The following MYBPC1 variants were observed in gnomAD, a reference collection of about 807,000 sequenced individuals.
The protein encoded by MYBPC1 is myosin-binding protein C, slow-type.
In MYBPC1, 52 loss-of-function variants were observed where a neutral mutation model predicts 147.1. The observed-to-expected ratio is 0.35, with a 90% CI of 0.28 to 0.45. MYBPC1 has a LOEUF of 0.45. MYBPC1 is among the 20% of genes least tolerant of loss of function. MYBPC1 has a pLI of 1.00. For synonymous variants in MYBPC1, 477 were observed against 475.9 expected (o/e 1.00, Z -0.03); for missense variants, 1,228 against 1,440.3 (o/e 0.85, Z 2.39).
intron 14 of MYBPC1, 40 bp from the exon 15 acceptor site, chr12:101,649,217 AAGG>A (rs1466992777): frequency 6.4e-7 from 1 of 1,570,930 alleles, no homozygotes; most frequent in Non-Finnish European, 8.7e-7. Context: ...ATTTTTCCTG[AAGG>A]ATCTTTTACA....
At chr12:101,642,703 G>C in intron 11 of MYBPC1, 118 bp downstream of exon 11, 1 of 1,147,982 alleles carries the variant, frequency 8.7e-7, no homozygotes, top group Non-Finnish European at 1.3e-6. Context: ...GTGGGGCTGG[G>C]TAGGAGTGCA....
chr12:101,643,114 C>A (rs1029652350), intron 11 of MYBPC1, among the ~76,000 whole-genome samples: 3 of 152,162 alleles, frequency 2.0e-5, no homozygotes, highest in Non-Finnish European at 4.4e-5. Flanking sequence ...TGACCATTAG[C>A]TCTTCGAAGC....
intron 1 of MYBPC1, among the ~76,000 whole-genome samples, chr12:101,605,920 T>G (rs1179208253): frequency 6.6e-6 from 1 of 151,762 alleles, no homozygotes; most frequent in Non-Finnish European, 1.5e-5. Flanking sequence ...TACAGCCAAG[T>G]GTGGTGACTT....
downstream of MYBPC1, among the ~76,000 whole-genome samples, chr12:101,686,592 A>G (rs1594109554): frequency 6.6e-6 from 1 of 152,268 alleles, no homozygotes; most frequent in East Asian, 1.9e-4. Flanking sequence ...TTAAGGGAGT[A>G]GAATCGAACT....
rs546927300 is a variant in MYBPC1 at position 101,641,009 on chromosome 12, G to A, written c.666-1410G>A. On this transcript the variant is annotated intron_variant, in intron 10 of 31. Transcript: ENST00000361466. The stretch of plus-strand genomic sequence containing the variant: ...CACCTGTAATCCCAGCTACTTGGGA[G>A]ACTGAGGCAGGAGAATCGTTAGAAC... Among the ~76,000 whole-genome samples, 6 of 151,032 alleles carry A rather than the reference G, an allele frequency of 4.0e-5. No homozygotes were observed. The South Asian group carries it at 8.4e-4, about 21-fold the overall frequency.
At chr12:101,601,618 C>T (rs1288550577) in intron 1 of MYBPC1, among the ~76,000 whole-genome samples, 2 of 152,184 alleles carry the variant, frequency 1.3e-5, no homozygotes, top group Non-Finnish European at 2.9e-5. Context: ...AAGACTTGCC[C>T]TTTTATACTC....
intron 10 of MYBPC1, among the ~76,000 whole-genome samples, chr12:101,640,099 C>T (rs1422216723): frequency 1.3e-5 from 2 of 152,124 alleles, no homozygotes; most frequent in South Asian, 2.1e-4. Context: ...ATTGCAGCCT[C>T]GACCTCCTGG....
chr12:101,634,638 G>A, intron 9 of MYBPC1, 33 bp downstream of exon 9: 2 of 1,526,164 alleles, frequency 1.3e-6, no homozygotes, highest in Non-Finnish European at 1.8e-6. Flanking sequence ...GATAGCTTTT[G>A]TATAACACAG....
intron 10 of MYBPC1, among the ~76,000 whole-genome samples, chr12:101,637,578 G>A (rs1470009429): frequency 6.6e-6 from 1 of 151,992 alleles, no homozygotes; most frequent in African/African-American, 2.4e-5. Context: ...TAAATAAACA[G>A]AGTAAAACTA....
At chr12:101,634,704 GA>G in intron 9 of MYBPC1, 99 bp downstream of exon 9, 1 of 998,972 alleles carries the variant, frequency 1.0e-6, no homozygotes, top group African/African-American at 1.6e-5. Flanking sequence ...TTCCAAATAC[GA>G]ACAACACTTT....
Position 101,672,846 on chromosome 12 carries a change from C to CA in MYBPC1, c.2614-570dup, listed in dbSNP as rs61117675. Among the ~76,000 whole-genome samples the CA allele has an allele frequency of 4.4e-3, 650 of 147,366 alleles. 16 individuals carry two copies. Among genetic ancestry groups the CA allele is most frequent in the Admixed American group, 0.035 (521 of 14,826 alleles). On this transcript the variant is annotated intron_variant, in intron 24 of 31. Coordinates refer to ENST00000361466, the MANE Select transcript of MYBPC1 (RefSeq NM_002465.4). ...CTGGGCGACAAGAGCCAAACTCTGT[C>CA]AAAAAAAAAAATTTAGATGATATTA...
intron 6 of MYBPC1, among the ~76,000 whole-genome samples, chr12:101,629,991 T>TA (rs1889557671): frequency 6.6e-6 from 1 of 152,212 alleles, no homozygotes; most frequent in Non-Finnish European, 1.5e-5. Context: ...TATCTATTTC[T>TA]AAAACATTTT....
intron 18 of MYBPC1, among the ~76,000 whole-genome samples, chr12:101,654,199 C>T (rs775749202): frequency 2.4e-4 from 36 of 152,026 alleles, no homozygotes; most frequent in Non-Finnish European, 4.9e-4. Flanking sequence ...GAGTGAGACT[C>T]TATCTCAAAA....
intron 24 of MYBPC1, among the ~76,000 whole-genome samples, chr12:101,671,904 T>G (rs145292889): frequency 6.6e-6 from 1 of 152,256 alleles, no homozygotes; most frequent in African/African-American, 2.4e-5. Context: ...TCGCAAACAT[T>G]TTCTCATTTG....
intron 13 of MYBPC1, 116 bp from the exon 14 acceptor site, chr12:101,647,929 A>G: frequency 1.2e-6 from 1 of 800,218 alleles, no homozygotes; most frequent in Non-Finnish European, 2.2e-6. Flanking sequence ...TGTTATCACC[A>G]TGTCAACCAT....
At chr12:101,626,430 GA>G (rs1270290964) in intron 3 of MYBPC1, among the ~76,000 whole-genome samples, 1 of 152,152 alleles carries the variant, frequency 6.6e-6, no homozygotes, top group Non-Finnish European at 1.5e-5. Context: ...TTTCTGGGTA[GA>G]AATGAGTTCT....
At chr12:101,658,048 G>A (rs1463426711) in intron 18 of MYBPC1, among the ~76,000 whole-genome samples, 1 of 150,956 alleles carries the variant, frequency 6.6e-6, no homozygotes, top group Non-Finnish European at 1.5e-5. Flanking sequence ...GGAGAATGGC[G>A]TGAACCCGGG....
intron 29 of MYBPC1, among the ~76,000 whole-genome samples, chr12:101,681,937 T>C (rs1951027717): frequency 6.6e-6 from 1 of 152,068 alleles, no homozygotes; most frequent in Admixed American, 6.6e-5. Flanking sequence ...TTTAAAGCTG[T>C]ATTCTTTCTT....
rs533968206 is a variant in MYBPC1 at position 101,646,682 on chromosome 12, A to G, written c.966-81A>G. ...CTTGACTTTCAAACACTACCAAATT[A>G]TAAGCCAAATTTGCTGGCAATAAAG... On this transcript the variant is annotated intron_variant, in intron 12 of 31. Coordinates refer to ENST00000361466, the MANE Select transcript of MYBPC1 (RefSeq NM_002465.4). The G allele has an allele frequency of 3.9e-6, 6 of 1,524,872 alleles. No homozygotes were observed. In the East Asian group the frequency reaches 1.1e-4, roughly 29 times the overall value. 94.5% of individuals were successfully genotyped at this position (1,524,872 alleles called of 1,614,324 possible).
Sources: gnomAD v4.1 joint callset for allele counts (sites outside exome capture counted in the v4.1 genomes callset) on GRCh38, gnomAD v4.1.1 for gene constraint, MANE v1.5 for transcripts, NCBI Gene and HGNC (gene_info 2026-07-23, HGNC 2026-07-21) for gene names.